USP42: variants seen among roughly 807,000 people sequenced by gnomAD.
USP42 encodes the protein ubiquitin carboxyl-terminal hydrolase 42.
A neutral mutation model predicts 113.0 loss-of-function variants in USP42; 23 were observed. That is an observed-to-expected ratio of 0.20 (90% confidence interval 0.15 to 0.29). The LOEUF is 0.29. USP42 is among the 10% of genes least tolerant of loss of function. The probability of loss-of-function intolerance (pLI) is 1.00; values close to 1 mark genes in which losing one functional copy is unlikely to be tolerated. For synonymous variants in USP42, 933 were observed against 699.0 expected, an observed-to-expected ratio of 1.33 and a Z score of -5.28; for missense variants, 2,174 against 1,779.8, an observed-to-expected ratio of 1.22 and a Z score of -3.99.
At chr7:6,106,953 T>C (rs1254053788) in intron 1 of USP42, among the ~76,000 whole-genome samples, 2 of 152,232 alleles carry the variant, frequency 1.3e-5, no homozygotes, top group African/African-American at 4.8e-5. Context: ...ACAGTAATAT[T>C]TAGAAGCTTT....
chr7:6,156,346 A>T (rs946169417), intron 15 of USP42, among the ~76,000 whole-genome samples: 2 of 152,210 alleles, frequency 1.3e-5, no homozygotes, highest in African/African-American at 4.8e-5. Context: ...TTTGTCCAAC[A>T]GCCTTAGTTC....
chr7:6,082,932 T>C, the USP42 span, among the ~76,000 whole-genome samples: 3 of 145,460 alleles, frequency 2.1e-5, no homozygotes, highest in Non-Finnish European at 4.5e-5. Context: ...TAAATATATA[T>C]AGATACATAT....
rs190696685 is a variant in USP42, at chr7:6,151,229, G to A, written c.2201+723G>A. Among the ~76,000 whole-genome samples the A allele has an allele frequency of 5.0e-4, 76 of 152,276 alleles. No homozygotes were observed. The East Asian group carries it at 0.013, about 27-fold the overall frequency. On this transcript the variant is annotated intron_variant, in intron 14 of 17. Coordinates refer to ENST00000306177, the MANE Select transcript of USP42 (RefSeq NM_032172.3). ...AGTGCTGAGTGAATGTGGAGGCCTG[G>A]GACGGTACACTACTGTAGACTCTGG... is the stretch of plus-strand genomic sequence containing the variant.
chr7:6,112,410 A>G (rs1366850399), intron 2 of USP42, among the ~76,000 whole-genome samples: 1 of 152,166 alleles, frequency 6.6e-6, no homozygotes, highest in Non-Finnish European at 1.5e-5. Context: ...AGATCGCACC[A>G]TTGCATTTCA....
At chr7:6,083,021 T>C in the USP42 span, among the ~76,000 whole-genome samples, 1 of 149,242 alleles carries the variant, frequency 6.7e-6, no homozygotes, top group Admixed American at 6.6e-5. Flanking sequence ...CCTCCTGGGT[T>C]CAAGCTGATT....
intron 1 of USP42, among the ~76,000 whole-genome samples, chr7:6,110,642 A>G (rs1374997839): frequency 6.6e-6 from 1 of 152,180 alleles, no homozygotes; most frequent in Non-Finnish European, 1.5e-5. Flanking sequence ...TGCCATTTGC[A>G]CTTTAAGCAC....
chr7:6,153,696 A>G, intron 14 of USP42, 60 bp from the exon 15 acceptor site: 1 of 1,409,348 alleles, frequency 7.1e-7, no homozygotes, highest in Non-Finnish European at 9.3e-7. Flanking sequence ...CTTGTAATGC[A>G]ATGACATGAG....
rs760807175 is a variant in USP42 at position 6,153,879 on chromosome 7, T to G, written c.2325T>G (p.Ala775=). Residue 775 remains alanine, a synonymous_variant, in exon 15 of 18, where the codon GCT becomes GCG. Transcript: ENST00000306177. ...CCGGCCTCAGCAGCACCAAGAAGGCTCCGCCGCCCCGCGATCCCGGCACCC... is the reference window on the plus strand; with the variant it reads ...CCGGCCTCAGCAGCACCAAGAAGGCGCCGCCGCCCCGCGATCCCGGCACCC... ...AAAGLSSTKK[A]PPPRDPGTPA... 2 of 1,564,166 alleles carry G rather than the reference T, an allele frequency of 1.3e-6. No homozygotes were observed. The highest frequency in any genetic ancestry group is 1.2e-5 in the South Asian group (1 of 85,814).
rs747001372 is a variant in USP42, at chr7:6,154,024, T to A, written c.2470T>A (p.Leu824Ile). The change falls in exon 15 of 18, where the codon TTA becomes ATA. Residue 824 changes from leucine to isoleucine, a missense_variant. By Grantham distance (5) the Leu-to-Ile change is conservative (BLOSUM62 2). Coordinates refer to ENST00000306177, the MANE Select transcript of USP42 (RefSeq NM_032172.3). ...APPDLCDPGSLTGDASPLSQD... is the reference protein window; with the variant it reads ...APPDLCDPGSITGDASPLSQD... The stretch of plus-strand genomic sequence containing the variant: ...CCCTGACCTGTGTGATCCCGGGAGC[T>A]TAACAGGCGATGCGAGCCCGTTGTC... The A allele has an allele frequency of 6.2e-7, 1 of 1,604,610 alleles. No individual in the cohort carries two copies. Among genetic ancestry groups the A allele is most frequent in the African/African-American group, 1.3e-5 (1 of 75,038 alleles).
chr7:6,154,527 G>A lies in USP42; in HGVS notation c.2973G>A (p.Gln991=). The A allele has an allele frequency of 1.3e-6, 2 of 1,542,478 alleles. No homozygotes were observed. The highest frequency in any genetic ancestry group is 8.7e-7 in the Non-Finnish European group (1 of 1,144,604). Residue 991 remains glutamine (Q), a synonymous_variant, in exon 15 of 18, where the codon CAG becomes CAA. Coordinates refer to ENST00000306177, the MANE Select transcript of USP42 (RefSeq NM_032172.3). ...CCTGCCCCCGGGAGCGCGACCGCCA[G>A]GACCGCCACGCCCCGGAGCACCACC... The part of the protein sequence containing the change: ...RRTCPRERDR[Q]DRHAPEHHPG...
At chr7:6,119,849 A>G (rs1365022965) in intron 3 of USP42, among the ~76,000 whole-genome samples, 2 of 152,118 alleles carry the variant, frequency 1.3e-5, no homozygotes, top group African/African-American at 2.4e-5. Context: ...GACTACAGGC[A>G]TGTGCTACAA....
chr7:6,102,296 T>C (rs1343346882), upstream of USP42, among the ~76,000 whole-genome samples: 1 of 149,724 alleles, frequency 6.7e-6, no homozygotes, highest in Non-Finnish European at 1.5e-5. Context: ...GTATTTTTAG[T>C]AGAGACAGAG....
chr7:6,109,255 A>AG (rs1053823367), intron 1 of USP42, among the ~76,000 whole-genome samples: 13 of 152,178 alleles, frequency 8.5e-5, no homozygotes, highest in African/African-American at 1.9e-4. Context: ...AGAAAAAAAA[A>AG]CAAGACTTCA....
At chr7:6,106,123 A>G (rs1347367925) in intron 1 of USP42, among the ~76,000 whole-genome samples, 1 of 152,196 alleles carries the variant, frequency 6.6e-6, no homozygotes, top group Non-Finnish European at 1.5e-5. Context: ...TATTTGTTTT[A>G]AATTAGGGTC....
At chr7:6,125,037 C>T (rs765488783) in intron 3 of USP42, among the ~76,000 whole-genome samples, 6 of 151,736 alleles carry the variant, frequency 4.0e-5, no homozygotes, top group East Asian at 1.9e-4. Flanking sequence ...AAAAATTAGC[C>T]GGGTGTGGTG....
chr7:6,131,523 T>A (rs554582773), intron 3 of USP42, among the ~76,000 whole-genome samples: 1 of 151,730 alleles, frequency 6.6e-6, no homozygotes, highest in African/African-American at 2.4e-5. Context: ...CAGAAAAAAA[T>A]ACACACAGAA....
chr7:6,154,880 G>A lies in USP42; in HGVS notation c.3326G>A (p.Arg1109Lys), dbSNP rs1357641054. ...GRRGCEPARE[R>K]ERHRPSSPRA... is the part of the protein sequence containing the mutation. ...AGGGGCTGCGAGCCGGCCCGGGAGA[G>A]GGAGCGGCACCGCCCCAGCAGCCCC... is the stretch of plus-strand genomic sequence containing the variant. Residue 1109 changes from arginine (R) to lysine (K), a missense_variant, in exon 15 of 18, where the codon AGG (arginine) becomes AAG (lysine). Transcript: ENST00000306177. The A allele has an allele frequency of 6.5e-7, 1 of 1,528,922 alleles. No individual in the cohort carries two copies. Among genetic ancestry groups the A allele is most frequent in the South Asian group, 1.2e-5 (1 of 82,012 alleles). The allele number at this position is 1,528,922 out of a possible 1,614,324, so 94.7% of individuals were successfully genotyped here.
intron 3 of USP42, among the ~76,000 whole-genome samples, chr7:6,122,959 G>T (rs1583605425): frequency 6.6e-6 from 1 of 151,924 alleles, no homozygotes; most frequent in African/African-American, 2.4e-5. Flanking sequence ...GAGCAGCTGG[G>T]ATTACAGGCA....
chr7:6,108,063 A>C (rs1419344411), intron 1 of USP42, among the ~76,000 whole-genome samples: 1 of 152,148 alleles, frequency 6.6e-6, no homozygotes, highest in Non-Finnish European at 1.5e-5. Context: ...ACGCACCTGT[A>C]GTCCCAGCTA....
Sources: gnomAD v4.1 joint callset for allele counts (sites outside exome capture counted in the v4.1 genomes callset) on GRCh38, gnomAD v4.1.1 for gene constraint, MANE v1.5 for transcripts, NCBI Gene and HGNC (gene_info 2026-07-23, HGNC 2026-07-21) for gene names.